Variants in NXPE2 observed in about 807,000 individuals in gnomAD.
NXPE2 encodes neurexophilin and PC-esterase domain family member 2.
In NXPE2, 34 loss-of-function variants were observed where a neutral mutation model predicts 34.4. That is an observed-to-expected ratio of 0.99 (90% CI 0.75 to 1.31). The LOEUF (loss-of-function observed/expected upper bound fraction) is 1.31, where lower values mean the gene tolerates loss of function less well. NXPE2 is among the 40% of genes most tolerant of loss of function. The probability of loss-of-function intolerance (pLI) is 0.00; values close to 1 mark genes in which losing one functional copy is unlikely to be tolerated. For synonymous variants in NXPE2, 235 were observed against 231.3 expected (o/e 1.02, Z -0.15); for missense variants, 649 against 672.5 (o/e 0.97, Z 0.39).
the NXPE2 span, among the ~76,000 whole-genome samples, chr11:114,744,621 G>A: frequency 3.3e-5 from 5 of 151,958 alleles, no homozygotes; most frequent in African/African-American, 9.7e-5. Flanking sequence ...ACCAGCCTGG[G>A]AAGCATGGTG....
chr11:114,809,948 C>T, the NXPE2 span, among the ~76,000 whole-genome samples: 119,517 of 148,380 alleles, frequency 0.81, 48,632 homozygotes, highest in Non-Finnish European at 0.87. Flanking sequence ...CTATACTACA[C>T]GGCTACAGTA....
At chr11:114,790,554 C>A in the NXPE2 span, among the ~76,000 whole-genome samples, 49,375 of 152,022 alleles carry the variant, frequency 0.32, 9,200 homozygotes, top group Non-Finnish European at 0.41. Context: ...TTTCGCTATC[C>A]CCAATTTCCC....
At chr11:114,742,949 G>C in the NXPE2 span, among the ~76,000 whole-genome samples, 1 of 151,948 alleles carries the variant, frequency 6.6e-6, no homozygotes, top group Non-Finnish European at 1.5e-5. Flanking sequence ...TTTTATTTGG[G>C]GCTGTTAAGA....
At chr11:114,712,167 C>G in the NXPE2 span, among the ~76,000 whole-genome samples, 1 of 151,944 alleles carries the variant, frequency 6.6e-6, no homozygotes, top group African/African-American at 2.4e-5. Context: ...AAGTGAAGTC[C>G]TAAATGTAAG....
chr11:114,795,645 T>C, the NXPE2 span, among the ~76,000 whole-genome samples: 2 of 152,172 alleles, frequency 1.3e-5, no homozygotes, highest in Non-Finnish European at 2.9e-5. Context: ...CACTCATCAG[T>C]TGGCATTCAA....
the NXPE2 span, among the ~76,000 whole-genome samples, chr11:114,623,591 A>G: frequency 6.6e-6 from 1 of 152,090 alleles, no homozygotes; most frequent in African/African-American, 2.4e-5. Flanking sequence ...CCCTTGGAAA[A>G]TAAGTGTTGC....
At chr11:114,576,126 G>A in the NXPE2 span, among the ~76,000 whole-genome samples, 1 of 152,100 alleles carries the variant, frequency 6.6e-6, no homozygotes, top group Non-Finnish European at 1.5e-5. Context: ...AACAAATGGT[G>A]CTGGGATAAT....
At chr11:114,616,543 C>G in the NXPE2 span, among the ~76,000 whole-genome samples, 1 of 151,466 alleles carries the variant, frequency 6.6e-6, no homozygotes, top group Non-Finnish European at 1.5e-5. Flanking sequence ...CATTGTTACC[C>G]AGTGGATAAA....
chr11:114,619,825 A>T, the NXPE2 span, among the ~76,000 whole-genome samples: 4 of 151,200 alleles, frequency 2.6e-5, no homozygotes, highest in Non-Finnish European at 4.4e-5. Flanking sequence ...GTTTATAATA[A>T]GTGTTGCCTC....
the NXPE2 span, among the ~76,000 whole-genome samples, chr11:114,490,088 A>C: frequency 6.6e-6 from 1 of 152,210 alleles, no homozygotes; most frequent in East Asian, 1.9e-4. Flanking sequence ...CCAAATCATG[A>C]GTGAACTCCC....
chr11:114,587,078 C>A, the NXPE2 span, among the ~76,000 whole-genome samples: 1 of 152,078 alleles, frequency 6.6e-6, no homozygotes, highest in Admixed American at 6.5e-5. Context: ...ATATTGTTGG[C>A]CCTTTGCGGA....
chr11:114,605,829 A>T, the NXPE2 span, among the ~76,000 whole-genome samples: 2 of 151,836 alleles, frequency 1.3e-5, no homozygotes, highest in Non-Finnish European at 1.5e-5. Context: ...AGTGGAAAAC[A>T]AGTATTGCCT....
the NXPE2 span, among the ~76,000 whole-genome samples, chr11:114,778,330 T>C: frequency 1.3e-5 from 2 of 152,192 alleles, no homozygotes; most frequent in Non-Finnish European, 2.9e-5. Flanking sequence ...AGGGTCTTGG[T>C]AGTCCTTGCT....
chr11:114,615,824 C>A, the NXPE2 span, among the ~76,000 whole-genome samples: 1 of 151,632 alleles, frequency 6.6e-6, no homozygotes, highest in South Asian at 2.1e-4. Flanking sequence ...TGGGTAACCA[C>A]TGTTACCCTG....
the NXPE2 span, among the ~76,000 whole-genome samples, chr11:114,521,037 T>G: frequency 6.6e-6 from 1 of 152,212 alleles, no homozygotes; most frequent in African/African-American, 2.4e-5. Context: ...TCTGCCTTAT[T>G]TACTTATTTG....
chr11:114,602,276 C>G, the NXPE2 span, among the ~76,000 whole-genome samples: 3 of 113,780 alleles, frequency 2.6e-5, no homozygotes, highest in African/African-American at 1.1e-4. Flanking sequence ...ATATATTATA[C>G]TATATATATG....
At chr11:114,495,785 A>G in the NXPE2 span, among the ~76,000 whole-genome samples, 8 of 152,134 alleles carry the variant, frequency 5.3e-5, no homozygotes, top group Non-Finnish European at 5.9e-5. Flanking sequence ...CTTATTCCCC[A>G]GGGTGTGTTT....
chr11:114,746,911 A>G, the NXPE2 span, among the ~76,000 whole-genome samples: 2 of 151,308 alleles, frequency 1.3e-5, no homozygotes, highest in Non-Finnish European at 2.9e-5. Context: ...CCCACAAAGA[A>G]CACCTTCCTT....
intron 2 of NXPE2, among the ~76,000 whole-genome samples, chr11:114,697,019 A>G (rs1951270473): frequency 6.6e-6 from 1 of 152,236 alleles, no homozygotes; most frequent in Non-Finnish European, 1.5e-5. Context: ...ATACTGTAAT[A>G]AAAGTTATAT....
Sources: allele counts gnomAD v4.1 joint callset (sites outside exome capture counted in the v4.1 genomes callset), GRCh38; gene constraint gnomAD v4.1.1; transcripts MANE v1.5; gene names NCBI Gene and HGNC (gene_info 2026-07-23, HGNC 2026-07-21).